FOXL2NB: variants seen among roughly 807,000 people sequenced by gnomAD.
FOXL2NB encodes FOXL2 neighbor, also known as FOXL2 neighbor protein.
A neutral mutation model predicts 7.4 loss-of-function variants in FOXL2NB; 10 were observed. The observed-to-expected ratio is 1.34, with a 90% CI of 0.83 to 2.28. FOXL2NB has a LOEUF of 2.28. Among genes scored for constraint, FOXL2NB ranks in the 30% most tolerant of loss-of-function variants. The pLI is 0.00. For synonymous variants in FOXL2NB, 104 were observed against 105.3 expected (o/e 0.99, Z 0.08); for missense variants, 228 against 233.9 (o/e 0.97, Z 0.17).
rs1257399681 is a variant in FOXL2NB at position 138,949,699 on chromosome 3, T to G, written c.220+60T>G. 1 of 1,611,560 alleles carries G rather than the reference T, an allele frequency of 6.2e-7. No individual in the cohort carries two copies. The highest frequency in any genetic ancestry group is 1.3e-5 in the African/African-American group (1 of 74,872). ...ATTACTTTCAGGTCCCCTCCAGGCT[T>G]CTGCGGAAAAGCCAGGGGCTTCGGG... On this transcript the variant is annotated intron_variant, in intron 2 of 2. Coordinates refer to ENST00000383165, the MANE Select transcript of FOXL2NB (RefSeq NM_001040061.3). This position sits in a 1 kb window ranked among gnomAD's most constrained non-coding sequence, Gnocchi z 4.5.
rs1043911673 is a variant in FOXL2NB at position 138,949,099 on chromosome 3, C to T, written c.101-421C>T. 6.6e-6 allele frequency among the ~76,000 whole-genome samples: 1 copy of T among 152,066 alleles called. No homozygotes were observed. Among genetic ancestry groups the T allele is most frequent in the Non-Finnish European group, 1.5e-5 (1 of 68,008 alleles). On this transcript the variant is annotated intron_variant, in intron 1 of 2. Transcript: ENST00000383165. This position sits in a 1 kb window ranked among gnomAD's most constrained non-coding sequence, Gnocchi z 4.5. Reference sequence around the variant, plus strand: ...CCGGTTTGGGGCTGCTGCAGATTGGCCTCAGTGCCTATCCTCCCCCAGCCA... The same window carrying T: ...CCGGTTTGGGGCTGCTGCAGATTGGTCTCAGTGCCTATCCTCCCCCAGCCA...
chr3:138,948,277 T>C (rs996283389), intron 1 of FOXL2NB, among the ~76,000 whole-genome samples: 1 of 152,158 alleles, frequency 6.6e-6, no homozygotes, highest in Non-Finnish European at 1.5e-5. Flanking sequence ...CAAATCTCTC[T>C]CCTGATGAGA....
intron 1 of FOXL2NB, among the ~76,000 whole-genome samples, chr3:138,948,361 C>A: frequency 6.6e-6 from 1 of 152,194 alleles, no homozygotes; most frequent in Non-Finnish European, 1.5e-5. Context: ...TGATGGGAAT[C>A]CAATTATTTC....
At position 138,950,709 on chromosome 3, in the gene FOXL2NB, T is replaced by A; in HGVS notation, c.*137T>A. 1.2e-6 allele frequency: 1 copy of A among 862,488 alleles called. No individual in the cohort carries two copies. Among genetic ancestry groups the A allele is most frequent in the Non-Finnish European group, 1.8e-6 (1 of 546,600 alleles). 53.4% of individuals were successfully genotyped at this position (862,488 alleles called of 1,614,324 possible). On this transcript the variant is annotated 3_prime_UTR_variant, in exon 3 of 3. Transcript: ENST00000383165. Reference sequence around the variant, plus strand: ...TCACGTTACTCCATCCACTTCTCTCTCCTTCTCCCTCTGTCAACTCCAAAT... The same window carrying A: ...TCACGTTACTCCATCCACTTCTCTCACCTTCTCCCTCTGTCAACTCCAAAT...
chr3:138,953,564 G>A lies in FOXL2NB; in HGVS notation c.*2992G>A, dbSNP rs1399315370. 1 of 152,050 alleles carries A rather than the reference G, an allele frequency of 6.6e-6. No homozygotes were observed. The highest frequency in any genetic ancestry group is 1.5e-5 in the Non-Finnish European group (1 of 68,018). The allele number at this position is 152,050 out of a possible 1,614,324, so 9.4% of individuals were successfully genotyped here. Reference sequence around the variant, plus strand: ...GCATTTAGCCTTGTTCCATATTTTTGTATGCAGTATAACTTACAGATGGTA... The same window carrying A: ...GCATTTAGCCTTGTTCCATATTTTTATATGCAGTATAACTTACAGATGGTA... On this transcript the variant is annotated 3_prime_UTR_variant, in exon 3 of 3. Coordinates refer to ENST00000383165, the MANE Select transcript of FOXL2NB (RefSeq NM_001040061.3).
intron 1 of FOXL2NB, among the ~76,000 whole-genome samples, chr3:138,948,293 G>C (rs1225244575): frequency 6.6e-6 from 1 of 152,146 alleles, no homozygotes; most frequent in African/African-American, 2.4e-5. Context: ...TGAGACATTT[G>C]TTCTGATCTT....
rs926438631 is a variant in FOXL2NB at position 138,949,574 on chromosome 3, C to A, written c.155C>A (p.Ala52Asp). The change falls in exon 2 of 3, where the codon GCT (alanine) becomes GAT (aspartate). Residue 52 changes from alanine to aspartate, a missense_variant. By Grantham distance (126) the Ala-to-Asp change is moderately radical. Coordinates refer to ENST00000383165, the MANE Select transcript of FOXL2NB (RefSeq NM_001040061.3). This position sits in a 1 kb window ranked among gnomAD's most constrained non-coding sequence, Gnocchi z 4.5. Reference protein sequence around the residue: ...RMPDACTLGRAGIGLPKMCLH... With the variant: ...RMPDACTLGRDGIGLPKMCLH... ...CCTGATGCGTGCACCCTGGGAAGGGCTGGAATCGGTCTCCCCAAGATGTGC... is the reference window on the plus strand; with the variant it reads ...CCTGATGCGTGCACCCTGGGAAGGGATGGAATCGGTCTCCCCAAGATGTGC... 6.2e-7 allele frequency: 1 copy of A among 1,614,030 alleles called. No individual in the cohort carries two copies. The highest frequency in any genetic ancestry group is 1.3e-5 in the African/African-American group (1 of 74,920).
chr3:138,950,100 C>A, intron 2 of FOXL2NB, 165 bp from the exon 3 acceptor site: 1 of 795,904 alleles, frequency 1.3e-6, no homozygotes, highest in Middle Eastern at 2.2e-4. Context: ...GCCTCCTGAC[C>A]GTGGTCCCAC....
rs1291006706 is a variant in FOXL2NB at position 138,951,914 on chromosome 3, T to C, written c.*1342T>C. On this transcript the variant is annotated 3_prime_UTR_variant, in exon 3 of 3. Coordinates refer to ENST00000383165, the MANE Select transcript of FOXL2NB (RefSeq NM_001040061.3). ...TAGAAAATGGTTCTGCTGGACAGAA[T>C]TGGGAAATGCCACTTTCCTTATAAT... The C allele has an allele frequency of 1.3e-5, 2 of 152,232 alleles. No homozygotes were observed. Among genetic ancestry groups the C allele is most frequent in the Admixed American group, 1.3e-4 (2 of 15,288 alleles). The allele number at this position is 152,232 out of a possible 1,614,324, so 9.4% of individuals were successfully genotyped here. A position where few individuals can be genotyped will look rare whatever the true frequency, so the allele number is the denominator to read the frequency against.
In FOXL2NB at chr3:138,951,679, T is replaced by C. The variant is rs1936134541; in HGVS notation, c.*1107T>C. ...GTTTCCTCTGATATCCCTCATGACA[T>C]CTATGGCCCAAAGCCATTTTGTTCA... is the stretch of plus-strand genomic sequence containing the variant. On this transcript the variant is annotated 3_prime_UTR_variant, in exon 3 of 3. Coordinates refer to ENST00000383165, the MANE Select transcript of FOXL2NB (RefSeq NM_001040061.3). The C allele has an allele frequency of 6.6e-6, 1 of 152,236 alleles. No homozygotes were observed. Among genetic ancestry groups the C allele is most frequent in the Non-Finnish European group, 1.5e-5 (1 of 68,076 alleles). The allele number at this position is 152,236 out of a possible 1,614,324, so 9.4% of individuals were successfully genotyped here. A position where few individuals can be genotyped will look rare whatever the true frequency, so the allele number is the denominator to read the frequency against.
In FOXL2NB at chr3:138,950,799, T is replaced by A. The variant is rs1464722705; in HGVS notation, c.*227T>A. 5.3e-6 allele frequency: 3 copies of A among 565,802 alleles called. No homozygotes were observed. Among genetic ancestry groups the A allele is most frequent in the Non-Finnish European group, 6.1e-6 (2 of 327,418 alleles). 35.0% of individuals were successfully genotyped at this position (565,802 alleles called of 1,614,324 possible). A position where few individuals can be genotyped will look rare whatever the true frequency, so the allele number is the denominator to read the frequency against. ...CACCAGCTACACGTACTAATTCAGA[T>A]TTTGCACATGTTGGTGGAAAACATG... On this transcript the variant is annotated 3_prime_UTR_variant, in exon 3 of 3. Coordinates refer to ENST00000383165, the MANE Select transcript of FOXL2NB (RefSeq NM_001040061.3).
chr3:138,952,999 C>CA lies in FOXL2NB; in HGVS notation c.*2427_*2428insA, dbSNP rs1334763739. 4 of 148,594 alleles carry CA rather than the reference C, an allele frequency of 2.7e-5. No homozygotes were observed. Among genetic ancestry groups the CA allele is most frequent in the Admixed American group, 2.7e-4 (4 of 14,880 alleles). The allele number at this position is 148,594 out of a possible 1,614,324, so 9.2% of individuals were successfully genotyped here. A position where few individuals can be genotyped will look rare whatever the true frequency, so the allele number is the denominator to read the frequency against. On this transcript the variant is annotated 3_prime_UTR_variant, in exon 3 of 3. Coordinates refer to ENST00000383165, the MANE Select transcript of FOXL2NB (RefSeq NM_001040061.3). ...CTCATCCCCCTCCTACGCTTCCCCCCCCGAGTCCCCATTATATAATTCTTT... is the reference window on the plus strand; with the variant it reads ...CTCATCCCCCTCCTACGCTTCCCCCCACCGAGTCCCCATTATATAATTCTTT...
intron 2 of FOXL2NB, chr3:138,950,024 C>T (rs1936089262): frequency 2.8e-6 from 2 of 704,834 alleles, no homozygotes; most frequent in East Asian, 5.4e-5. Context: ...GTGGGCTGGG[C>T]AGAACTCACT....
Position 138,949,588 on chromosome 3 carries a change from C to T in FOXL2NB, c.169C>T (p.Pro57Ser). 6.2e-7 allele frequency: 1 copy of T among 1,613,704 alleles called. No homozygotes were observed. Among genetic ancestry groups the T allele is most frequent in the South Asian group, 1.1e-5 (1 of 91,078 alleles). Residue 57 changes from proline to serine, a missense_variant, in exon 2 of 3, where the codon CCC becomes TCC. Physicochemically the swap from Pro to Ser is moderately conservative, Grantham distance 74 (BLOSUM62 -1). Coordinates refer to ENST00000383165, the MANE Select transcript of FOXL2NB (RefSeq NM_001040061.3). The surrounding 1 kb of genome is among the most constrained non-coding windows in gnomAD (Gnocchi z 4.5). Reference sequence around the variant, plus strand: ...CCTGGGAAGGGCTGGAATCGGTCTCCCCAAGATGTGCCTTCACATGGCTGT... The same window carrying T: ...CCTGGGAAGGGCTGGAATCGGTCTCTCCAAGATGTGCCTTCACATGGCTGT... ...CTLGRAGIGL[P>S]KMCLHMAVRH...
rs994724443 is a variant in FOXL2NB, at chr3:138,952,702, A to G, written c.*2130A>G. The G allele has an allele frequency of 9.7e-6, 1 of 102,932 alleles. No individual in the cohort carries two copies. Among genetic ancestry groups the G allele is most frequent in the African/African-American group, 4.9e-5 (1 of 20,284 alleles). 6.4% of individuals were successfully genotyped at this position (102,932 alleles called of 1,614,324 possible). A position where few individuals can be genotyped will look rare whatever the true frequency, so the allele number is the denominator to read the frequency against. ...CTAATTTTTTTTTTTTTTTTTTGGT[A>G]TTTTTGGTAGAGACAGGGTTTTACC... On this transcript the variant is annotated 3_prime_UTR_variant, in exon 3 of 3. Coordinates refer to ENST00000383165, the MANE Select transcript of FOXL2NB (RefSeq NM_001040061.3).
rs111414955 is a variant in FOXL2NB, at chr3:138,949,218, C to CAG, written c.101-301_101-300dup. ...CTCCTTTTTTTTTTTCTTGACCACC[C>CAG]AGGCTGGCTCTCTGCGTCTCTCTGT... On this transcript the variant is annotated intron_variant, in intron 1 of 2. Coordinates refer to ENST00000383165, the MANE Select transcript of FOXL2NB (RefSeq NM_001040061.3). This position sits in a 1 kb window ranked among gnomAD's most constrained non-coding sequence, Gnocchi z 4.5. Among the ~76,000 whole-genome samples the CAG allele has an allele frequency of 0.07, 10,624 of 151,708 alleles. 887 individuals carry two copies. The highest frequency in any genetic ancestry group is 0.22 in the Admixed American group (3,338 of 15,206).
chr3:138,950,462 C>T lies in FOXL2NB; in HGVS notation c.418C>T (p.Arg140Trp), dbSNP rs1936107744. 6.2e-7 allele frequency: 1 copy of T among 1,614,090 alleles called. No homozygotes were observed. Among genetic ancestry groups the T allele is most frequent in the African/African-American group, 1.3e-5 (1 of 75,072 alleles). ...PFLAGPRNTRRLPAPERERIE... is the reference protein window; with the variant it reads ...PFLAGPRNTRWLPAPERERIE... ...CCTAGCGGGACCCCGAAACACCCGG[C>T]GGCTTCCCGCTCCTGAGCGGGAGAG... Residue 140 changes from arginine to tryptophan, a missense_variant, in exon 3 of 3, where the codon CGG becomes TGG. Coordinates refer to ENST00000383165, the MANE Select transcript of FOXL2NB (RefSeq NM_001040061.3).
In FOXL2NB at chr3:138,950,352, C is replaced by T. The variant is rs778162603; in HGVS notation, c.308C>T (p.Ser103Phe). Reference sequence around the variant, plus strand: ...CTACTAGGGAAGCGTCGCGGCTGCTCTGAGGCAGGCAGCGCTTCGCTAGAA... The same window carrying T: ...CTACTAGGGAAGCGTCGCGGCTGCTTTGAGGCAGGCAGCGCTTCGCTAGAA... ...PALLGKRRGC[S>F]EAGSASLEPL... The change falls in exon 3 of 3, where the codon TCT becomes TTT. Residue 103 changes from serine to phenylalanine, a missense_variant. Ser to Phe is a radical substitution (Grantham distance 155, BLOSUM62 -2). Transcript: ENST00000383165. 4.8e-5 allele frequency: 77 copies of T among 1,611,472 alleles called. No individual in the cohort carries two copies. The highest frequency in any genetic ancestry group is 6.4e-5 in the Non-Finnish European group (76 of 1,179,660).
In FOXL2NB at chr3:138,949,615, CGGCATTCGAA is replaced by C. The variant is rs141282655; in HGVS notation, c.200_209del (p.His67LeufsTer27). 0.019 allele frequency: 31,408 copies of C among 1,613,940 alleles called. 431 individuals are homozygous for C. The highest frequency in any genetic ancestry group is 0.021 in the Non-Finnish European group (25,098 of 1,179,874). On this transcript the variant is annotated frameshift_variant, in exon 2 of 3. Transcript: ENST00000383165. LOFTEE classifies it low-confidence loss of function (END_TRUNC). This position sits in a 1 kb window ranked among gnomAD's most constrained non-coding sequence, Gnocchi z 4.5. ...CAAGATGTGCCTTCACATGGCTGTC[CGGCATTCGAA>C]GGCTCAGAAAACAGGCAAGAAAATG...
Sources: allele counts gnomAD v4.1 joint callset (sites outside exome capture counted in the v4.1 genomes callset), GRCh38; gene constraint gnomAD v4.1.1; non-coding constraint Gnocchi (gnomAD v3.1); transcripts MANE v1.5; gene names NCBI Gene and HGNC (gene_info 2026-07-23, HGNC 2026-07-21).